FRMD6: variants seen among roughly 807,000 people sequenced by gnomAD.
The protein encoded by FRMD6 is FERM domain-containing protein 6.
In FRMD6, 37 loss-of-function variants were observed where a neutral mutation model predicts 73.2. The ratio of observed to expected loss-of-function variants is 0.51; its 90% confidence interval spans 0.39 to 0.66. The LOEUF is 0.66. Among genes scored for constraint, FRMD6 ranks in the 30% least tolerant of loss-of-function variants. The pLI, the probability that FRMD6 is intolerant of heterozygous loss-of-function variation, is 0.00. For synonymous variants in FRMD6, 273 were observed against 282.2 expected (o/e 0.97, Z 0.33); for missense variants, 714 against 780.5 (o/e 0.91, Z 1.02).
chr14:51,420,112 T>A, the FRMD6 span, among the ~76,000 whole-genome samples: 3 of 152,208 alleles, frequency 2.0e-5, no homozygotes, highest in South Asian at 6.2e-4. Context: ...CTCTTTGGTC[T>A]GCATGTCAAG....
chr14:51,728,101 A>C lies in FRMD6; in HGVS notation c.*72A>C. On this transcript the variant is annotated 3_prime_UTR_variant, in exon 14 of 14. Coordinates refer to ENST00000344768, the MANE Select transcript of FRMD6 (RefSeq NM_001267046.2). ...GATGCGAAAGTCATAAGTTCTTTAC[A>C]TATTACTTGTGCCATATCTTCTTCA... 1 of 1,381,478 alleles carries C rather than the reference A, an allele frequency of 7.2e-7. No homozygotes were observed. The highest frequency in any genetic ancestry group is 9.9e-7 in the Non-Finnish European group (1 of 1,009,704). 85.6% of individuals were successfully genotyped at this position (1,381,478 alleles called of 1,614,324 possible).
chr14:51,711,272 A>T lies in FRMD6; in HGVS notation c.715-259A>T, dbSNP rs184658711. 2.0e-4 allele frequency among the ~76,000 whole-genome samples: 31 copies of T among 152,348 alleles called. No homozygotes were observed. In the East Asian group the frequency reaches 5.4e-3, roughly 26 times the overall value. ...ATTGTCAGATACAAAAGTGTATGTA[A>T]TATAGTGAAAACACTAAAACTTTGA... On this transcript the variant is annotated intron_variant, in intron 7 of 13. Transcript: ENST00000344768.
chr14:51,628,925 G>A (rs1241038529), intron 2 of FRMD6, among the ~76,000 whole-genome samples: 1 of 122,074 alleles, frequency 8.2e-6, no homozygotes, highest in Non-Finnish European at 1.6e-5. Flanking sequence ...TTTCCAGGCT[G>A]GAGTGCAGTG....
chr14:51,464,711 C>T, the FRMD6 span, among the ~76,000 whole-genome samples: 1 of 152,092 alleles, frequency 6.6e-6, no homozygotes, highest in Admixed American at 6.5e-5. Flanking sequence ...TCTGGGACTT[C>T]CAGACAGAAC....
intron 3 of FRMD6, among the ~76,000 whole-genome samples, chr14:51,699,148 C>G (rs531730209): frequency 2.0e-5 from 3 of 152,148 alleles, no homozygotes; most frequent in Non-Finnish European, 4.4e-5. Flanking sequence ...GCCCCTTTCC[C>G]CCAAAATGTA....
intron 3 of FRMD6, among the ~76,000 whole-genome samples, chr14:51,698,944 AT>A (rs1896119784): frequency 3.3e-5 from 5 of 151,978 alleles, no homozygotes; most frequent in Admixed American, 2.0e-4. Context: ...ATCTTTGCTC[AT>A]TTTGTCAAGA....
At chr14:51,436,968 A>G in the FRMD6 span, 1 of 905,614 alleles carries the variant, frequency 1.1e-6, no homozygotes, top group Non-Finnish European at 1.7e-6. Context: ...GACTAACAGA[A>G]CACTGATGGA....
the FRMD6 span, among the ~76,000 whole-genome samples, chr14:51,447,381 A>T: frequency 1.3e-5 from 2 of 152,154 alleles, no homozygotes; most frequent in Non-Finnish European, 2.9e-5. Context: ...TGCTCCACTC[A>T]TGGGAATCAG....
At chr14:51,480,089 A>G in the FRMD6 span, among the ~76,000 whole-genome samples, 3 of 152,190 alleles carry the variant, frequency 2.0e-5, no homozygotes, top group African/African-American at 7.2e-5. Context: ...GGAGGCCCCA[A>G]GAGAAGGCAG....
the FRMD6 span, among the ~76,000 whole-genome samples, chr14:51,453,048 A>C: frequency 6.6e-6 from 1 of 152,178 alleles, no homozygotes; most frequent in Non-Finnish European, 1.5e-5. Flanking sequence ...AAAGGGAACA[A>C]GAGAGATAAA....
chr14:51,556,964 GAC>G (rs1431570754), intron 1 of FRMD6, among the ~76,000 whole-genome samples: 1 of 152,008 alleles, frequency 6.6e-6, no homozygotes, highest in African/African-American at 2.4e-5. Context: ...ATTTTTTCCT[GAC>G]ACTTATCACG....
At chr14:51,423,111 C>G in the FRMD6 span, among the ~76,000 whole-genome samples, 1 of 152,182 alleles carries the variant, frequency 6.6e-6, no homozygotes, top group Non-Finnish European at 1.5e-5. Flanking sequence ...GAGCTAGAAA[C>G]CTTTGTTGTG....
At chr14:51,525,070 A>AATAGATAGATT (rs141984847) in intron 1 of FRMD6, among the ~76,000 whole-genome samples, 1 of 101,982 alleles carries the variant, frequency 9.8e-6, no homozygotes, top group East Asian at 3.0e-4. Context: ...AGACAAATAG[A>AATAGATAGATT]ATAGATAGAT....
chr14:51,638,226 G>C (rs1891658186), intron 2 of FRMD6, among the ~76,000 whole-genome samples: 1 of 152,090 alleles, frequency 6.6e-6, no homozygotes, highest in African/African-American at 2.4e-5. Flanking sequence ...AGGTTGCAGA[G>C]AGCTATGATC....
intron 1 of FRMD6, among the ~76,000 whole-genome samples, chr14:51,493,877 T>C (rs889713007): frequency 1.3e-5 from 2 of 152,186 alleles, no homozygotes; most frequent in Non-Finnish European, 2.9e-5. Flanking sequence ...TTATGAACAA[T>C]AGAAATTTAT....
intron 1 of FRMD6, among the ~76,000 whole-genome samples, chr14:51,521,451 A>G (rs1342445820): frequency 6.6e-6 from 1 of 152,196 alleles, no homozygotes; most frequent in South Asian, 2.1e-4. Context: ...TAACAGTCAT[A>G]TAGTGATATA....
chr14:51,575,389 A>G (rs1287983551), intron 2 of FRMD6, among the ~76,000 whole-genome samples: 1 of 152,186 alleles, frequency 6.6e-6, no homozygotes, highest in Non-Finnish European at 1.5e-5. Flanking sequence ...CCTGAACATC[A>G]GGACTTTGGA....
chr14:51,499,606 G>T (rs191119303), intron 1 of FRMD6, among the ~76,000 whole-genome samples: 2 of 152,202 alleles, frequency 1.3e-5, no homozygotes, highest in Non-Finnish European at 2.9e-5. Flanking sequence ...GCCCAGCTCC[G>T]AGGTCCATGT....
At chr14:51,679,563 T>TC (rs890620568) in intron 1 of FRMD6, among the ~76,000 whole-genome samples, 1 of 149,340 alleles carries the variant, frequency 6.7e-6, no homozygotes, top group African/African-American at 2.4e-5. Context: ...TTCTTTTTTT[T>TC]TTTTTTTTTT....
Sources: gnomAD v4.1 joint callset for allele counts (sites outside exome capture counted in the v4.1 genomes callset) on GRCh38, gnomAD v4.1.1 for gene constraint, MANE v1.5 for transcripts, NCBI Gene and HGNC (gene_info 2026-07-23, HGNC 2026-07-21) for gene names.